The following FERMT2 variants were observed in gnomAD, a reference collection of about 807,000 sequenced individuals.
FERMT2 encodes fermitin family homolog 2.
A neutral mutation model predicts 82.7 loss-of-function variants in FERMT2; 15 were observed. That is an observed-to-expected ratio of 0.18 (90% confidence interval 0.12 to 0.28). FERMT2 has a LOEUF of 0.28. Ranked by LOEUF, FERMT2 falls within the 10% of genes least tolerant of loss-of-function variation. The probability of loss-of-function intolerance (pLI) is 1.00; values close to 1 mark genes in which losing one functional copy is unlikely to be tolerated. For synonymous variants in FERMT2, 274 were observed against 271.5 expected (o/e 1.01, Z -0.09); for missense variants, 645 against 809.4 (o/e 0.80, Z 2.46).
intron 2 of FERMT2, among the ~76,000 whole-genome samples, chr14:52,926,198 A>G (rs1029805275): frequency 5.3e-5 from 8 of 151,918 alleles, no homozygotes; most frequent in Non-Finnish European, 8.8e-5. Flanking sequence ...CTGTATCACT[A>G]AAGTAGTGGT....
intron 2 of FERMT2, chr14:52,928,304 C>T (rs1217816157): frequency 5.2e-6 from 1 of 192,168 alleles, no homozygotes; most frequent in African/African-American, 2.3e-5. Flanking sequence ...TAAATATATA[C>T]TTTTGTACTC....
At chr14:52,922,392 G>C (rs1408049141) in intron 2 of FERMT2, among the ~76,000 whole-genome samples, 1 of 152,136 alleles carries the variant, frequency 6.6e-6, no homozygotes, top group Non-Finnish European at 1.5e-5. Flanking sequence ...GCATGTTGGG[G>C]ATCTGCCCAC....
intron 3 of FERMT2, among the ~76,000 whole-genome samples, chr14:52,912,743 C>A (rs1333933236): frequency 6.6e-6 from 1 of 152,130 alleles, no homozygotes; most frequent in African/African-American, 2.4e-5. Context: ...CTCCTGGCCT[C>A]AAGTGATCTG....
At chr14:52,935,365 T>C (rs763422859) in intron 2 of FERMT2, among the ~76,000 whole-genome samples, 2 of 152,150 alleles carry the variant, frequency 1.3e-5, no homozygotes, top group Non-Finnish European at 2.9e-5. Flanking sequence ...GAAACTGCTA[T>C]GGACTAAATG....
At chr14:52,876,137 C>T (rs1388285271) in intron 7 of FERMT2, among the ~76,000 whole-genome samples, 3 of 152,216 alleles carry the variant, frequency 2.0e-5, no homozygotes, top group Non-Finnish European at 2.9e-5. Context: ...ACAAGTGGCA[C>T]TCCAAATGTC....
chr14:52,882,996 G>A (rs564199456), intron 4 of FERMT2, among the ~76,000 whole-genome samples: 1 of 152,094 alleles, frequency 6.6e-6, no homozygotes, highest in African/African-American at 2.4e-5. Flanking sequence ...TCAGGAATTC[G>A]AGATCAGCCT....
At chr14:52,896,258 G>A (rs1887247887) in intron 3 of FERMT2, among the ~76,000 whole-genome samples, 1 of 152,180 alleles carries the variant, frequency 6.6e-6, no homozygotes, top group Admixed American at 6.5e-5. Flanking sequence ...GTCAGAGTAT[G>A]AAGAGAACAG....
chr14:52,877,542 T>C (rs1886036106), intron 7 of FERMT2, among the ~76,000 whole-genome samples: 1 of 137,748 alleles, frequency 7.3e-6, no homozygotes, highest in Non-Finnish European at 1.6e-5. Context: ...CCTTTCATTA[T>C]GTAAAACTAA....
At chr14:52,942,524 G>C (rs1371508313) in intron 2 of FERMT2, among the ~76,000 whole-genome samples, 1 of 151,918 alleles carries the variant, frequency 6.6e-6, no homozygotes, top group Non-Finnish European at 1.5e-5. Flanking sequence ...GGATGGTCTT[G>C]ATCTCCTGAC....
In FERMT2 at chr14:52,923,927, T is replaced by C. The variant is rs912589940; in HGVS notation, c.158-4571A>G. On this transcript the variant is annotated intron_variant, in intron 2 of 14. Coordinates refer to ENST00000341590, the MANE Select transcript of FERMT2 (RefSeq NM_006832.3). ...CGAAGTAGAAGACAGTGTTAGAAGA[T>C]GGGTAAGCTGGACTGTGGGGGCTTG... Among the ~76,000 whole-genome samples, 5 of 152,166 alleles carry C rather than the reference T, an allele frequency of 3.3e-5. No homozygotes were observed. In the East Asian group the frequency reaches 7.7e-4, roughly 23 times the overall value.
chr14:52,933,492 C>T (rs955462021), intron 2 of FERMT2, among the ~76,000 whole-genome samples: 3 of 151,860 alleles, frequency 2.0e-5, no homozygotes, highest in Non-Finnish European at 2.9e-5. Context: ...GGGGGAATCA[C>T]CTAAGGTCGG....
chr14:52,939,123 G>A (rs1889977599), intron 2 of FERMT2, among the ~76,000 whole-genome samples: 1 of 150,444 alleles, frequency 6.6e-6, no homozygotes, highest in Non-Finnish European at 1.5e-5. Context: ...GGGAGGCAGA[G>A]GTGGGTGGAT....
intron 3 of FERMT2, among the ~76,000 whole-genome samples, chr14:52,915,107 CT>C (rs1278537629): frequency 6.6e-6 from 1 of 151,990 alleles, no homozygotes; most frequent in East Asian, 1.9e-4. Context: ...TGGAAGAAAA[CT>C]TTTTTTAAAA....
chr14:52,881,331 G>A lies in FERMT2; in HGVS notation c.665C>T (p.Ala222Val). The change falls in exon 5 of 15, where the codon GCT becomes GTT. Residue 222 changes from alanine (A) to valine (V), a missense_variant. Physicochemically the swap from Ala to Val is moderately conservative, Grantham distance 64. Coordinates refer to ENST00000341590, the MANE Select transcript of FERMT2 (RefSeq NM_006832.3). ...ALSEGNPGIL[A>V]VSQPITSPEI... ...TGGTGACGTGATTGGTTGACTGACA[G>A]CAAGTATACCAGGATTGCCTTCTGA... The A allele has an allele frequency of 6.2e-7, 1 of 1,614,048 alleles. No homozygotes were observed. Among genetic ancestry groups the A allele is most frequent in the Non-Finnish European group, 8.5e-7 (1 of 1,180,004 alleles).
At chr14:52,877,995 T>C (rs1239608867) in intron 7 of FERMT2, among the ~76,000 whole-genome samples, 2 of 152,178 alleles carry the variant, frequency 1.3e-5, no homozygotes, top group Non-Finnish European at 2.9e-5. Context: ...AATTTTTAAA[T>C]AAGCTCCCCT....
intron 10 of FERMT2, chr14:52,872,132 G>A (rs943516180): frequency 6.6e-6 from 1 of 152,578 alleles, no homozygotes; most frequent in Non-Finnish European, 1.5e-5. Context: ...GCCCAGGGAT[G>A]ACTACAGCGT....
chr14:52,930,762 T>C, intron 2 of FERMT2, among the ~76,000 whole-genome samples: 1 of 152,240 alleles, frequency 6.6e-6, no homozygotes, highest in Non-Finnish European at 1.5e-5. Context: ...CCTGAAACTC[T>C]TCTGATGTTT....
At chr14:52,945,265 G>A (rs955624668) in intron 2 of FERMT2, among the ~76,000 whole-genome samples, 8 of 151,584 alleles carry the variant, frequency 5.3e-5, no homozygotes, top group Non-Finnish European at 1.2e-4. Flanking sequence ...TGGGTTGGGG[G>A]CGGGGGGACG....
chr14:52,886,225 A>G (rs755784924), intron 4 of FERMT2, among the ~76,000 whole-genome samples: 3 of 152,118 alleles, frequency 2.0e-5, no homozygotes, highest in Non-Finnish European at 2.9e-5. Flanking sequence ...GAAATGGGGC[A>G]TTTTCATGTA....
Sources: gnomAD v4.1 joint callset for allele counts (sites outside exome capture counted in the v4.1 genomes callset) on GRCh38, gnomAD v4.1.1 for gene constraint, MANE v1.5 for transcripts, NCBI Gene and HGNC (gene_info 2026-07-23, HGNC 2026-07-21) for gene names.